PITPNA: variants seen among roughly 807,000 people sequenced by gnomAD.
PITPNA encodes the protein phosphatidylinositol transfer protein alpha isoform.
Under a neutral mutation model 50.3 loss-of-function variants are expected in PITPNA, and 13 were observed. That is an observed-to-expected ratio of 0.26 (90% CI 0.17 to 0.41). PITPNA has a LOEUF of 0.41. PITPNA is among the 10% of genes least tolerant of loss of function. The pLI is 1.00. For missense variants in PITPNA, 207 were observed against 333.4 expected, an observed-to-expected ratio of 0.62 and a Z score of 2.95; for synonymous variants, 120 against 119.6, an observed-to-expected ratio of 1.00 and a Z score of -0.02.
intron 10 of PITPNA, among the ~76,000 whole-genome samples, chr17:1,529,842 G>A (rs915587352): frequency 6.7e-6 from 1 of 150,350 alleles, no homozygotes; most frequent in African/African-American, 2.4e-5. Context: ...GTGACAGAGC[G>A]AGACTCTGTT....
At chr17:1,530,185 C>G (rs1221858660) in intron 10 of PITPNA, among the ~76,000 whole-genome samples, 1 of 151,990 alleles carries the variant, frequency 6.6e-6, no homozygotes, top group Non-Finnish European at 1.5e-5. Flanking sequence ...CAGTGAGTTC[C>G]CCATTACAGG....
chr17:1,538,808 T>A (rs1380052355), intron 7 of PITPNA, 61 bp downstream of exon 7: 100 of 1,007,396 alleles, frequency 9.9e-5, no homozygotes, highest in Non-Finnish European at 6.2e-6. Flanking sequence ...CCTGGTTTCT[T>A]TAGCATTGAG....
chr17:1,548,433 A>T (rs779915976), intron 3 of PITPNA, 46 bp from the exon 4 acceptor site: 1 of 1,338,616 alleles, frequency 7.5e-7, no homozygotes, highest in Non-Finnish European at 1.0e-6. Flanking sequence ...GGTAGAGAGA[A>T]AGGAGACAAG....
intron 7 of PITPNA, 55 bp from the exon 8 acceptor site, chr17:1,535,573 T>TG (rs34327506): frequency 9.4e-7 from 1 of 1,060,256 alleles, no homozygotes; most frequent in Non-Finnish European, 1.5e-6. Flanking sequence ...GAGTGAGAGA[T>TG]GGGGAGAACA....
Position 1,521,566 on chromosome 17 carries a change from A to G in PITPNA, c.*22+13T>C. The G allele has an allele frequency of 6.3e-7, 1 of 1,587,640 alleles. No homozygotes were observed. The highest frequency in any genetic ancestry group is 8.7e-7 in the Non-Finnish European group (1 of 1,155,846). ...GCGTCTGTGACACGCACAGTGAGAA[A>G]TTTGGTACGTACAGTGCAGAGGGGA... On this transcript the variant is annotated intron_variant, in intron 11 of 11. Transcript: ENST00000313486.
In PITPNA at chr17:1,520,468, C is replaced by T. The variant is rs1040370417; in HGVS notation, c.*93G>A. The stretch of plus-strand genomic sequence containing the variant: ...CTGAAGAATGGGCACAGAACGGCTG[C>T]GTCCGAAAATGGCCTGTCACTTGGG... On this transcript the variant is annotated 3_prime_UTR_variant, in exon 12 of 12. Transcript: ENST00000313486. The T allele has an allele frequency of 2.0e-5, 3 of 152,782 alleles. No homozygotes were observed. Among genetic ancestry groups the T allele is most frequent in the Middle Eastern group, 3.4e-3 (1 of 294 alleles). 9.5% of individuals were successfully genotyped at this position (152,782 alleles called of 1,614,324 possible).
rs1290775897 is a variant in PITPNA, at chr17:1,534,102, A to G, written c.765T>C (p.Asp255=). 1 of 1,612,898 alleles carries G rather than the reference A, an allele frequency of 6.2e-7. No individual in the cohort carries two copies. The highest frequency in any genetic ancestry group is 1.7e-5 in the Admixed American group (1 of 59,936). ...RMEEETKRQL[D]EMRQKDPVKG... ...AGCCCCCAGAGCCCCCACTTACTTC[A>G]TCCAGCTGTCTCTTCGTCTCTTCTT... The change falls in exon 10 of 12, where the codon GAT becomes GAC. Residue 255 remains aspartate, a synonymous_variant. Coordinates refer to ENST00000313486, the MANE Select transcript of PITPNA (RefSeq NM_006224.4).
intron 2 of PITPNA, among the ~76,000 whole-genome samples, chr17:1,555,040 A>G (rs1412109568): frequency 6.6e-6 from 1 of 152,172 alleles, no homozygotes; most frequent in Non-Finnish European, 1.5e-5. Flanking sequence ...CCTAAGAAGG[A>G]GCAGTAACTC....
At chr17:1,531,745 G>A (rs1026423700) in intron 10 of PITPNA, among the ~76,000 whole-genome samples, 32 of 152,008 alleles carry the variant, frequency 2.1e-4, no homozygotes, top group African/African-American at 7.0e-4. Flanking sequence ...AACAACCATC[G>A]GAATTACAAG....
At chr17:1,553,416 T>A (rs992738761) in intron 2 of PITPNA, among the ~76,000 whole-genome samples, 6 of 152,164 alleles carry the variant, frequency 3.9e-5, no homozygotes, top group South Asian at 2.1e-4. Flanking sequence ...TTATTTATTT[T>A]TTTTGGTAGA....
chr17:1,541,504 G>T, intron 6 of PITPNA, 62 bp downstream of exon 6: 1 of 1,171,034 alleles, frequency 8.5e-7, no homozygotes, highest in Non-Finnish European at 1.3e-6. Context: ...GGTAGCCCTG[G>T]AGAGGCTACA....
At chr17:1,538,082 G>A (rs146589269) in intron 7 of PITPNA, among the ~76,000 whole-genome samples, 11 of 152,292 alleles carry the variant, frequency 7.2e-5, no homozygotes, top group African/African-American at 2.6e-4. Flanking sequence ...CTACAGGCGT[G>A]AGCCACCGTG....
intron 3 of PITPNA, among the ~76,000 whole-genome samples, chr17:1,552,375 C>T (rs1037052546): frequency 2.0e-5 from 3 of 152,170 alleles, no homozygotes; most frequent in African/African-American, 4.8e-5. Context: ...TTTGGGTCTG[C>T]TCACAGTTTG....
chr17:1,556,596 CT>C (rs1340938674), intron 2 of PITPNA, among the ~76,000 whole-genome samples: 1 of 152,086 alleles, frequency 6.6e-6, no homozygotes, highest in East Asian at 1.9e-4. Flanking sequence ...AAGAAACTCC[CT>C]ATCAAAGGAT....
chr17:1,535,040 T>C (rs1240790735), intron 9 of PITPNA, 142 bp downstream of exon 9: 2 of 627,292 alleles, frequency 3.2e-6, no homozygotes, highest in Admixed American at 2.8e-5. Flanking sequence ...ATGGATGAAG[T>C]TCTCCACCAC....
At chr17:1,524,779 G>A (rs1027628786) in intron 10 of PITPNA, among the ~76,000 whole-genome samples, 2 of 151,670 alleles carry the variant, frequency 1.3e-5, no homozygotes, top group Admixed American at 1.3e-4. Context: ...AACCCGGGAG[G>A]TGGAGCTTGC....
At chr17:1,536,634 G>A (rs113409839) in intron 7 of PITPNA, among the ~76,000 whole-genome samples, 14,079 of 151,724 alleles carry the variant, frequency 0.093, 795 homozygotes, top group Middle Eastern at 0.13. Flanking sequence ...CACTCTGTTG[G>A]CCAGGCTGGA....
intron 10 of PITPNA, among the ~76,000 whole-genome samples, chr17:1,526,674 GATGC>G (rs1424484211): frequency 2.0e-5 from 3 of 152,258 alleles, no homozygotes; most frequent in African/African-American, 7.2e-5. Context: ...CTTGAAATAA[GATGC>G]AACCTCCTAC....
chr17:1,536,037 C>T (rs147179547), intron 7 of PITPNA, among the ~76,000 whole-genome samples: 225 of 152,282 alleles, frequency 1.5e-3, no homozygotes, highest in Non-Finnish European at 2.4e-3. Context: ...CTTGTTTTAA[C>T]AAAATCATTA....
Sources: allele counts gnomAD v4.1 joint callset (sites outside exome capture counted in the v4.1 genomes callset), GRCh38; gene constraint gnomAD v4.1.1; transcripts MANE v1.5; gene names NCBI Gene and HGNC (gene_info 2026-07-23, HGNC 2026-07-21).